ARHGEF12: variants seen among roughly 807,000 people sequenced by gnomAD.
The protein encoded by ARHGEF12 is KMT2A/ARHGEF12 fusion protein.
Under a neutral mutation model 211.2 loss-of-function variants are expected in ARHGEF12, and 66 were observed. That is an observed-to-expected ratio of 0.31 (90% CI 0.26 to 0.38). The LOEUF (loss-of-function observed/expected upper bound fraction) is 0.38, where lower values mean the gene tolerates loss of function less well. ARHGEF12 is among the 10% of genes least tolerant of loss of function. The probability of loss-of-function intolerance (pLI) is 1.00; values close to 1 mark genes in which losing one functional copy is unlikely to be tolerated. For synonymous variants in ARHGEF12, 592 were observed against 638.4 expected (o/e 0.93, Z 1.09); for missense variants, 1,429 against 1,869.5 (o/e 0.76, Z 4.34).
At position 120,486,513 on chromosome 11, in the gene ARHGEF12, T is replaced by C. The variant is rs989100801; in HGVS notation, c.*1436T>C. On this transcript the variant is annotated 3_prime_UTR_variant, in exon 41 of 41. Coordinates refer to ENST00000397843, the MANE Select transcript of ARHGEF12 (RefSeq NM_015313.3). ...AGTTTCAGAATTGTAATTTGAGAAC[T>C]CCTTCAATTATATTGACTTTCTTTG... The C allele has an allele frequency of 8.7e-6, 2 of 229,586 alleles. No individual in the cohort carries two copies. The highest frequency in any genetic ancestry group is 4.4e-5 in the African/African-American group (2 of 45,160). 14.2% of individuals were successfully genotyped at this position (229,586 alleles called of 1,614,324 possible).
intron 40 of ARHGEF12, 122 bp from the exon 41 acceptor site, chr11:120,484,945 C>T: frequency 2.9e-6 from 3 of 1,035,864 alleles, no homozygotes; most frequent in South Asian, 3.0e-5. Context: ...TTATACTCAT[C>T]TGCTTACATA....
At chr11:120,442,072 T>G (rs372911117) in intron 14 of ARHGEF12, 32 bp from the exon 15 acceptor site, 23 of 1,471,722 alleles carry the variant, frequency 1.6e-5, no homozygotes, top group African/African-American at 4.2e-5. Flanking sequence ...TGGTTCCTCA[T>G]TTTGTCTTTT....
Position 120,457,740 on chromosome 11 carries a change from C to T in ARHGEF12, c.2209C>T (p.Pro737Ser). ...TTTTAGGGTGACTGAACATGGGACA[C>T]CAAAGCCCTTTCGAAAGTAAGTAAA... Reference protein sequence around the residue: ...EVERVTEHGTPKPFRKFDSVA... With the variant: ...EVERVTEHGTSKPFRKFDSVA... Residue 737 changes from proline (P) to serine (S), a missense_variant, in exon 24 of 41, where the codon CCA becomes TCA. This residue lies in a region of ARHGEF12 where 373 missense variants were observed against 467.5 expected (regional missense o/e 0.80). Transcript: ENST00000397843. 6.2e-7 allele frequency: 1 copy of T among 1,608,832 alleles called. No individual in the cohort carries two copies. The highest frequency in any genetic ancestry group is 1.7e-4 in the Middle Eastern group (1 of 5,990).
intron 4 of ARHGEF12, among the ~76,000 whole-genome samples, chr11:120,415,344 T>C (rs1026831012): frequency 2.6e-5 from 4 of 152,208 alleles, no homozygotes; most frequent in African/African-American, 9.6e-5. Flanking sequence ...TGCCAGGATT[T>C]TATGTTCTTT....
intron 10 of ARHGEF12, 68 bp downstream of exon 10, chr11:120,429,899 G>T: frequency 6.5e-7 from 1 of 1,535,602 alleles, no homozygotes; most frequent in Non-Finnish European, 8.8e-7. Flanking sequence ...ATGTGTCAGA[G>T]AATGTTGCAG....
At chr11:120,418,577 AT>A (rs1945096563) in intron 4 of ARHGEF12, among the ~76,000 whole-genome samples, 1 of 152,218 alleles carries the variant, frequency 6.6e-6, no homozygotes, top group Non-Finnish European at 1.5e-5. Flanking sequence ...AATGGATCAT[AT>A]GCAAATATAT....
intron 1 of ARHGEF12, among the ~76,000 whole-genome samples, chr11:120,398,957 T>C (rs1944469469): frequency 6.6e-6 from 1 of 152,112 alleles, no homozygotes; most frequent in Non-Finnish European, 1.5e-5. Context: ...ATGTTCAATC[T>C]TTATTCCATT....
At chr11:120,356,444 T>G (rs530942274) in intron 1 of ARHGEF12, among the ~76,000 whole-genome samples, 2 of 152,242 alleles carry the variant, frequency 1.3e-5, no homozygotes, top group Admixed American at 1.3e-4. Context: ...TCTTGAACTC[T>G]TGGCCTCAAG....
intron 11 of ARHGEF12, among the ~76,000 whole-genome samples, chr11:120,434,962 G>A (rs1369546709): frequency 1.3e-5 from 2 of 152,182 alleles, no homozygotes; most frequent in Non-Finnish European, 2.9e-5. Flanking sequence ...CAAGGCATTC[G>A]TTTATTAATA....
chr11:120,378,129 C>G (rs182845602), intron 1 of ARHGEF12, among the ~76,000 whole-genome samples: 89 of 152,270 alleles, frequency 5.8e-4, no homozygotes, highest in Non-Finnish European at 9.8e-4. Flanking sequence ...TTTACATTCC[C>G]ACTAGAAATG....
intron 1 of ARHGEF12, among the ~76,000 whole-genome samples, chr11:120,405,481 T>C (rs1944672379): frequency 6.6e-6 from 1 of 152,198 alleles, no homozygotes; most frequent in South Asian, 2.1e-4. Context: ...GCCCTTTGTT[T>C]TCTACTTTTG....
At position 120,442,084 on chromosome 11, in the gene ARHGEF12, C is replaced by T; in HGVS notation, c.1204-20C>T. 2.0e-6 allele frequency: 3 copies of T among 1,532,672 alleles called. No individual in the cohort carries two copies. The highest frequency in any genetic ancestry group is 2.3e-5 in the East Asian group (1 of 44,332). 94.9% of individuals were successfully genotyped at this position (1,532,672 alleles called of 1,614,324 possible). On this transcript the variant is annotated intron_variant, in intron 14 of 40. Coordinates refer to ENST00000397843, the MANE Select transcript of ARHGEF12 (RefSeq NM_015313.3). ...TCATGGTTCCTCATTTTGTCTTTTT[C>T]ATTCCTTTCTCCACTACAGCTCTGT...
chr11:120,399,284 G>GC (rs1225024243), intron 1 of ARHGEF12, among the ~76,000 whole-genome samples: 1 of 114,432 alleles, frequency 8.7e-6, no homozygotes, highest in Non-Finnish European at 1.6e-5. Flanking sequence ...TTGTGCCACT[G>GC]CACTCCAGCC....
intron 1 of ARHGEF12, chr11:120,365,702 C>T (rs952289550): frequency 3.3e-5 from 5 of 152,046 alleles, no homozygotes; most frequent in African/African-American, 9.7e-5. Flanking sequence ...CATCTGTCAC[C>T]CTATGGATTG....
At chr11:120,462,037 T>C (rs1476740032) in intron 27 of ARHGEF12, among the ~76,000 whole-genome samples, 1 of 152,110 alleles carries the variant, frequency 6.6e-6, no homozygotes, top group Non-Finnish European at 1.5e-5. Context: ...AGTAGCACTT[T>C]TATTTCCTTC....
At chr11:120,408,641 T>C (rs976956104) in intron 3 of ARHGEF12, 8 of 152,088 alleles carry the variant, frequency 5.3e-5, no homozygotes, top group African/African-American at 1.4e-4. Context: ...TACTTAGAAA[T>C]ATAATTTTAA....
intron 39 of ARHGEF12, 100 bp downstream of exon 39, chr11:120,481,676 A>T: frequency 8.4e-7 from 1 of 1,190,094 alleles, no homozygotes. Flanking sequence ...AAACTTGTTC[A>T]GGTTCTAGAT....
chr11:120,377,499 C>T (rs1487301642), intron 1 of ARHGEF12, among the ~76,000 whole-genome samples: 7 of 152,220 alleles, frequency 4.6e-5, no homozygotes, highest in African/African-American at 1.7e-4. Flanking sequence ...CACAGCACCA[C>T]ACCTAGCTAA....
intron 27 of ARHGEF12, chr11:120,465,011 A>G: frequency 1.3e-5 from 7 of 535,990 alleles, no homozygotes; most frequent in Middle Eastern, 4.4e-4. Context: ...CTCAAAAAAA[A>G]GAAAAAAAAA....
Sources: gnomAD v4.1 joint callset for allele counts (sites outside exome capture counted in the v4.1 genomes callset) on GRCh38, gnomAD v4.1.1 for gene constraint, gnomAD v4.1.1 regional missense constraint, MANE v1.5 for transcripts, NCBI Gene and HGNC (gene_info 2026-07-23, HGNC 2026-07-21) for gene names.